The following FHIT variants were observed in gnomAD, a reference collection of about 807,000 sequenced individuals.
FHIT encodes the protein bis(5'-adenosyl)-triphosphatase.
A neutral mutation model predicts 17.9 loss-of-function variants in FHIT; 19 were observed. That is an observed-to-expected ratio of 1.06 (90% CI 0.74 to 1.56). The LOEUF is 1.56. Among genes scored for constraint, FHIT ranks in the 40% most tolerant of loss-of-function variants. The pLI is 0.00. For synonymous variants in FHIT, 81 were observed against 69.7 expected, an observed-to-expected ratio of 1.16 and a Z score of -0.81; for missense variants, 248 against 189.2, an observed-to-expected ratio of 1.31 and a Z score of -1.82.
intron 2 of FHIT, among the ~76,000 whole-genome samples, chr3:61,090,565 A>G (rs2035449764): frequency 6.6e-6 from 1 of 152,206 alleles, no homozygotes. Context: ...GCCAAATTCC[A>G]AATGCCATGG....
At chr3:59,790,708 AT>A (rs903160846) in intron 8 of FHIT, among the ~76,000 whole-genome samples, 69 of 151,654 alleles carry the variant, frequency 4.5e-4, no homozygotes, top group East Asian at 2.7e-3. Context: ...GAAAAGGATA[AT>A]TTTTTTTTAA....
intron 5 of FHIT, among the ~76,000 whole-genome samples, chr3:60,393,633 G>T (rs1487577001): frequency 6.6e-6 from 1 of 151,802 alleles, no homozygotes; most frequent in Non-Finnish European, 1.5e-5. Context: ...CAAAACTGGT[G>T]GCTGCTCTCC....
Position 60,606,852 on chromosome 3 carries a change from G to A in FHIT, c.-17-69873C>T, listed in dbSNP as rs138828208. Among the ~76,000 whole-genome samples the A allele has an allele frequency of 3.2e-4, 48 of 152,178 alleles. 1 individual carries two copies. The East Asian group carries it at 6.2e-3, about 20-fold the overall frequency. On this transcript the variant is annotated intron_variant, in intron 4 of 9. Transcript: ENST00000492590. Reference sequence around the variant, plus strand: ...TTTCTAAGCCTAGTCCCTCCTGCCCGCATCTTGATTCTGTTAACTCCCCGA... The same window carrying A: ...TTTCTAAGCCTAGTCCCTCCTGCCCACATCTTGATTCTGTTAACTCCCCGA...
chr3:60,414,124 G>C (rs984728178), intron 5 of FHIT, among the ~76,000 whole-genome samples: 2 of 152,184 alleles, frequency 1.3e-5, no homozygotes, highest in Non-Finnish European at 2.9e-5. Flanking sequence ...ACGCCTTTAT[G>C]AATCCAAATT....
chr3:60,414,275 A>C (rs1449739569), intron 5 of FHIT, among the ~76,000 whole-genome samples: 1 of 152,202 alleles, frequency 6.6e-6, no homozygotes, highest in Non-Finnish European at 1.5e-5. Flanking sequence ...ATTTCTAGTA[A>C]GTTCCCAGGT....
At chr3:60,945,344 T>A (rs574905428) in intron 3 of FHIT, among the ~76,000 whole-genome samples, 13 of 152,164 alleles carry the variant, frequency 8.5e-5, no homozygotes, top group Admixed American at 2.6e-4. Flanking sequence ...AGCCTTGAGG[T>A]CATAGCAAAA....
intron 4 of FHIT, among the ~76,000 whole-genome samples, chr3:60,703,462 G>A (rs527735768): frequency 6.6e-4 from 101 of 152,246 alleles, no homozygotes; most frequent in Middle Eastern, 6.8e-3. Context: ...TTAATTAATG[G>A]TATAAAGTTC....
At chr3:60,426,381 C>G (rs1049638496) in intron 5 of FHIT, among the ~76,000 whole-genome samples, 2 of 152,120 alleles carry the variant, frequency 1.3e-5, no homozygotes, top group African/African-American at 2.4e-5. Flanking sequence ...CGGATGATAT[C>G]ATGTTCATTT....
At chr3:60,556,280 C>G (rs537802951) in intron 4 of FHIT, among the ~76,000 whole-genome samples, 79 of 152,248 alleles carry the variant, frequency 5.2e-4, no homozygotes, top group African/African-American at 1.9e-3. Context: ...TTCTGAGCAC[C>G]AAAGACAGAC....
At chr3:60,515,892 C>T (rs1053988381) in intron 5 of FHIT, among the ~76,000 whole-genome samples, 2 of 152,200 alleles carry the variant, frequency 1.3e-5, no homozygotes, top group African/African-American at 4.8e-5. Context: ...GATTCACATC[C>T]AGGCCCTCAG....
chr3:60,219,667 C>A (rs1023039416), intron 5 of FHIT, among the ~76,000 whole-genome samples: 3 of 152,156 alleles, frequency 2.0e-5, no homozygotes, highest in Non-Finnish European at 4.4e-5. Context: ...CTTCCCTGTC[C>A]CCCTTCATTA....
intron 4 of FHIT, among the ~76,000 whole-genome samples, chr3:60,658,282 G>A (rs569727269): frequency 6.6e-6 from 1 of 152,184 alleles, no homozygotes; most frequent in African/African-American, 2.4e-5. Flanking sequence ...TCCTTTTTAA[G>A]GCCAACTGAT....
intron 4 of FHIT, among the ~76,000 whole-genome samples, chr3:60,555,028 T>C (rs1317512983): frequency 1.3e-5 from 2 of 152,244 alleles, no homozygotes; most frequent in Non-Finnish European, 2.9e-5. Flanking sequence ...ACATGACTGA[T>C]ACATTTTTTA....
In FHIT at chr3:61,239,761, CCATATA is replaced by C. The variant is rs1465812963; in HGVS notation, c.-213+11534_-213+11539del. ...TAAAACTGCAAAGAAAAACAACTGG[CCATATA>C]TATATATATATATATATACACAAAT... is the stretch of plus-strand genomic sequence containing the variant. On this transcript the variant is annotated intron_variant, in intron 1 of 9. Coordinates refer to ENST00000492590, the MANE Select transcript of FHIT (RefSeq NM_002012.4). Among the ~76,000 whole-genome samples, 21 of 63,166 alleles carry C rather than the reference CCATATA, an allele frequency of 3.3e-4. 2 individuals carry two copies. The highest frequency in any genetic ancestry group is 8.3e-4 in the African/African-American group (13 of 15,662). 41.4% of individuals were successfully genotyped at this position (63,166 alleles called of 152,430 possible). A position where few individuals can be genotyped will look rare whatever the true frequency, so the allele number is the denominator to read the frequency against.
intron 2 of FHIT, among the ~76,000 whole-genome samples, chr3:61,083,511 A>C (rs1005864806): frequency 1.3e-5 from 2 of 152,214 alleles, no homozygotes; most frequent in Non-Finnish European, 2.9e-5. Flanking sequence ...AATGGCGTGA[A>C]CCTGGGAGGA....
At chr3:60,364,970 T>A (rs1270193917) in intron 5 of FHIT, among the ~76,000 whole-genome samples, 1 of 151,992 alleles carries the variant, frequency 6.6e-6, no homozygotes, top group East Asian at 1.9e-4. Flanking sequence ...TTTCAGAGAA[T>A]AGATCATGAG....
intron 4 of FHIT, among the ~76,000 whole-genome samples, chr3:60,807,030 C>T (rs553817111): frequency 5.9e-5 from 9 of 152,256 alleles, no homozygotes; most frequent in Admixed American, 2.6e-4. Flanking sequence ...AGGCTATTAG[C>T]GCCACTTCCA....
At chr3:60,089,434 C>T (rs529125357) in intron 5 of FHIT, among the ~76,000 whole-genome samples, 16 of 152,232 alleles carry the variant, frequency 1.1e-4, no homozygotes, top group African/African-American at 3.6e-4. Flanking sequence ...GTAGATGAAG[C>T]TCAACAAATG....
At chr3:59,939,387 T>C (rs183548595) in intron 7 of FHIT, among the ~76,000 whole-genome samples, 3 of 152,268 alleles carry the variant, frequency 2.0e-5, no homozygotes, top group African/African-American at 7.2e-5. Context: ...AGAGTCTTAA[T>C]AGCAACTCCA....
Sources: gnomAD v4.1 joint callset for allele counts (sites outside exome capture counted in the v4.1 genomes callset) on GRCh38, gnomAD v4.1.1 for gene constraint, MANE v1.5 for transcripts, NCBI Gene and HGNC (gene_info 2026-07-23, HGNC 2026-07-21) for gene names.